The following GRID2 variants were observed in gnomAD, a reference collection of about 807,000 sequenced individuals.
GRID2 encodes glutamate ionotropic receptor delta type subunit 2.
In GRID2, 33 loss-of-function variants were observed where a neutral mutation model predicts 114.8. The observed-to-expected ratio is 0.29, with a 90% CI of 0.22 to 0.38. The LOEUF (loss-of-function observed/expected upper bound fraction) is 0.38, where lower values mean the gene tolerates loss of function less well. Ranked by LOEUF, GRID2 falls within the 10% of genes least tolerant of loss-of-function variation. The pLI is 1.00. For synonymous variants in GRID2, 505 were observed against 449.9 expected (o/e 1.12, Z -1.55); for missense variants, 1,184 against 1,257.7 (o/e 0.94, Z 0.89).
chr4:92,541,136 C>A (rs1009527772), intron 1 of GRID2, among the ~76,000 whole-genome samples: 1 of 151,784 alleles, frequency 6.6e-6, no homozygotes, highest in Non-Finnish European at 1.5e-5. Context: ...CACACTGGGG[C>A]CTGTTGTAGG....
intron 2 of GRID2, among the ~76,000 whole-genome samples, chr4:92,955,457 G>C (rs1256706826): frequency 6.6e-6 from 1 of 151,878 alleles, no homozygotes; most frequent in Non-Finnish European, 1.5e-5. Flanking sequence ...ACTTTTTGAT[G>C]GCGTTGTTTG....
At chr4:92,698,789 G>A (rs1229214762) in intron 2 of GRID2, among the ~76,000 whole-genome samples, 2 of 152,060 alleles carry the variant, frequency 1.3e-5, no homozygotes, top group African/African-American at 4.8e-5. Flanking sequence ...TGATTAAAAA[G>A]AGAAGTGTTT....
intron 1 of GRID2, among the ~76,000 whole-genome samples, chr4:92,485,493 A>T (rs1229826797): frequency 6.6e-6 from 1 of 150,770 alleles, no homozygotes; most frequent in African/African-American, 2.4e-5. Context: ...TGAGGTCAGG[A>T]GTTCAAGACT....
intron 1 of GRID2, among the ~76,000 whole-genome samples, chr4:92,441,318 G>A (rs1733060683): frequency 6.6e-6 from 1 of 152,114 alleles, no homozygotes; most frequent in Non-Finnish European, 1.5e-5. Flanking sequence ...AGTAATGGGG[G>A]CTGTCTGTGA....
At chr4:92,831,034 A>T (rs1371516344) in intron 2 of GRID2, among the ~76,000 whole-genome samples, 1 of 152,162 alleles carries the variant, frequency 6.6e-6, no homozygotes, top group Non-Finnish European at 1.5e-5. Context: ...CTGACATTTA[A>T]ACTGATATAC....
intron 2 of GRID2, among the ~76,000 whole-genome samples, chr4:92,758,723 T>C (rs926432951): frequency 2.6e-5 from 4 of 152,174 alleles, no homozygotes; most frequent in African/African-American, 9.7e-5. Context: ...ATAAATAGCA[T>C]CTTCATGGCT....
chr4:92,966,438 T>C (rs1448746788), intron 2 of GRID2, among the ~76,000 whole-genome samples: 1 of 151,984 alleles, frequency 6.6e-6, no homozygotes, highest in Non-Finnish European at 1.5e-5. Context: ...ATTCACATTA[T>C]GCTATCTCAC....
chr4:93,407,775 CTCATCCTCCTCGTCCTCCTCCTCG>C (rs1766649502), intron 9 of GRID2, among the ~76,000 whole-genome samples: 1 of 122,966 alleles, frequency 8.1e-6, no homozygotes, highest in Admixed American at 8.0e-5. Flanking sequence ...CCTCCTCCTC[CTCATCCTCCTCGTCCTCCTCCTCG>C]TCCTCCTCCT....
chr4:92,797,781 A>G (rs1034324420), intron 2 of GRID2, among the ~76,000 whole-genome samples: 18 of 151,980 alleles, frequency 1.2e-4, no homozygotes, highest in African/African-American at 4.3e-4. Context: ...TATTTATTGA[A>G]AAAACTCTGT....
At chr4:92,355,310 T>C (rs757170988) in intron 1 of GRID2, among the ~76,000 whole-genome samples, 1 of 151,856 alleles carries the variant, frequency 6.6e-6, no homozygotes, top group Admixed American at 6.6e-5. Context: ...CTTGGACTAA[T>C]TGATAATTTT....
chr4:93,197,962 AT>A (rs1183031222), intron 4 of GRID2, among the ~76,000 whole-genome samples: 1 of 152,074 alleles, frequency 6.6e-6, no homozygotes, highest in Non-Finnish European at 1.5e-5. Context: ...TTCTGATTTA[AT>A]TTTTTAATTA....
Position 93,395,707 on chromosome 4 carries a change from T to A in GRID2, c.1346T>A (p.Leu449Gln). The change falls in exon 9 of 16, where the codon CTG (leucine) becomes CAG (glutamine). Residue 449 changes from leucine (L) to glutamine (Q), a missense_variant and splice_region_variant. By Grantham distance (113) the Leu-to-Gln change is moderately radical. Coordinates refer to ENST00000282020, the MANE Select transcript of GRID2 (RefSeq NM_001510.4). Reference protein sequence around the residue: ...RGVVLRVVTVLEEPFVMVSEN... With the variant: ...RGVVLRVVTVQEEPFVMVSEN... ...GTGGTTCTACGTGTAGTAACTGTTC[T>A]GGTAAGTATTATCTGAGCCTCGTGG... 1 of 1,380,748 alleles carries A rather than the reference T, an allele frequency of 7.2e-7. No homozygotes were observed. Among genetic ancestry groups the A allele is most frequent in the Non-Finnish European group, 1.0e-6 (1 of 969,804 alleles). 85.5% of individuals were successfully genotyped at this position (1,380,748 alleles called of 1,614,324 possible).
chr4:93,171,765 C>A (rs1486414761), intron 4 of GRID2, among the ~76,000 whole-genome samples: 1 of 152,104 alleles, frequency 6.6e-6, no homozygotes, highest in Non-Finnish European at 1.5e-5. Context: ...AGAAATAATG[C>A]TCAGTATCGC....
intron 9 of GRID2, among the ~76,000 whole-genome samples, chr4:93,413,329 G>A (rs541621343): frequency 3.9e-5 from 6 of 152,122 alleles, no homozygotes; most frequent in South Asian, 2.1e-4. Flanking sequence ...GTTTTGATTC[G>A]CATTGCTCTA....
chr4:93,087,928 A>G (rs1328938316), intron 3 of GRID2, among the ~76,000 whole-genome samples: 1 of 152,152 alleles, frequency 6.6e-6, no homozygotes, highest in Non-Finnish European at 1.5e-5. Flanking sequence ...AAGTTCAAAC[A>G]TTGGAATTGT....
rs553760395 is a variant in GRID2, at chr4:92,681,424, C to T, written c.244+91138C>T. ...TGTGGTGTTTGGTTTTTTGTCCTTGCGATAGTTTGCTGAGAATGATGGTTT... is the reference window on the plus strand; with the variant it reads ...TGTGGTGTTTGGTTTTTTGTCCTTGTGATAGTTTGCTGAGAATGATGGTTT... On this transcript the variant is annotated intron_variant, in intron 2 of 15. Coordinates refer to ENST00000282020, the MANE Select transcript of GRID2 (RefSeq NM_001510.4). Among the ~76,000 whole-genome samples, 30 of 151,992 alleles carry T rather than the reference C, an allele frequency of 2.0e-4. No individual in the cohort carries two copies. In the East Asian group the frequency reaches 5.6e-3, roughly 28 times the overall value.
chr4:92,986,085 T>C (rs568956978), intron 2 of GRID2, among the ~76,000 whole-genome samples: 3 of 152,330 alleles, frequency 2.0e-5, no homozygotes, highest in South Asian at 2.1e-4. Context: ...TTATATTTGC[T>C]TGGGGACATG....
At chr4:93,112,260 T>G (rs1732839094) in intron 4 of GRID2, 1 of 152,098 alleles carries the variant, frequency 6.6e-6, no homozygotes, top group Admixed American at 6.6e-5. Context: ...TGAACTGGAC[T>G]TCGTGTCATG....
chr4:93,174,871 C>T (rs1245135885), intron 4 of GRID2, among the ~76,000 whole-genome samples: 1 of 152,128 alleles, frequency 6.6e-6, no homozygotes, highest in Non-Finnish European at 1.5e-5. Context: ...GTTTATTTAA[C>T]CCAGAGCCTC....
Sources: gnomAD v4.1 joint callset for allele counts (sites outside exome capture counted in the v4.1 genomes callset) on GRCh38, gnomAD v4.1.1 for gene constraint, MANE v1.5 for transcripts, NCBI Gene and HGNC (gene_info 2026-07-23, HGNC 2026-07-21) for gene names.